The following DCBLD2 variants were observed in gnomAD, a reference collection of about 807,000 sequenced individuals.
DCBLD2 encodes discoidin, CUB and LCCL domain containing 2.
Under a neutral mutation model 86.8 loss-of-function variants are expected in DCBLD2, and 54 were observed. The observed-to-expected ratio is 0.62, with a 90% CI of 0.50 to 0.78. The LOEUF (loss-of-function observed/expected upper bound fraction) is 0.78, where lower values mean the gene tolerates loss of function less well. DCBLD2 is among the 30% of genes least tolerant of loss of function. DCBLD2 has a pLI of 0.00. For synonymous variants in DCBLD2, 354 were observed against 341.3 expected (o/e 1.04, Z -0.41); for missense variants, 908 against 954.2 (o/e 0.95, Z 0.64).
chr3:98,887,701 CATA>C (rs768177674), intron 1 of DCBLD2, among the ~76,000 whole-genome samples: 1 of 151,896 alleles, frequency 6.6e-6, no homozygotes, highest in Non-Finnish European at 1.5e-5. Flanking sequence ...GTTTTAGGTT[CATA>C]ATAAAACTGA....
chr3:98,891,586 C>T (rs1434161341), intron 1 of DCBLD2, among the ~76,000 whole-genome samples: 1 of 152,000 alleles, frequency 6.6e-6, no homozygotes, highest in Non-Finnish European at 1.5e-5. Flanking sequence ...AACTGTTTTC[C>T]ACTGATGATA....
chr3:98,801,458 G>A, intron 14 of DCBLD2, 142 bp downstream of exon 14: 1 of 523,174 alleles, frequency 1.9e-6, no homozygotes, highest in African/African-American at 1.9e-5. Context: ...TAAAAATGGT[G>A]AGAACTGAAG....
intron 3 of DCBLD2, among the ~76,000 whole-genome samples, chr3:98,825,643 T>TTATATATA (rs56736194): frequency 0.026 from 2,935 of 114,600 alleles, 92 homozygotes; most frequent in East Asian, 0.11. Flanking sequence ...ATATGTGTAT[T>TTATATATA]TATATATATA....
chr3:98,853,919 A>C (rs1942885066), intron 2 of DCBLD2, among the ~76,000 whole-genome samples: 1 of 152,232 alleles, frequency 6.6e-6, no homozygotes, highest in Non-Finnish European at 1.5e-5. Context: ...GCCCACTTTC[A>C]GTGGAGGGAA....
At chr3:98,846,701 A>G (rs1211951910) in intron 3 of DCBLD2, among the ~76,000 whole-genome samples, 1 of 152,218 alleles carries the variant, frequency 6.6e-6, no homozygotes, top group Admixed American at 6.5e-5. Context: ...TTGGAAGCTA[A>G]GATTCATCTA....
intron 3 of DCBLD2, among the ~76,000 whole-genome samples, chr3:98,836,452 T>C (rs1446983812): frequency 2.0e-5 from 3 of 151,924 alleles, no homozygotes; most frequent in Admixed American, 2.0e-4. Context: ...GTTATGAAAT[T>C]TGAGATCCAG....
chr3:98,876,428 A>G (rs1943372834), intron 2 of DCBLD2, among the ~76,000 whole-genome samples: 1 of 148,548 alleles, frequency 6.7e-6, no homozygotes, highest in Admixed American at 6.7e-5. Flanking sequence ...AAAAAAAAAA[A>G]AAAAAAAAAA....
rs369032659 is a variant in DCBLD2 at position 98,901,256 on chromosome 3, G to T, written c.71C>A (p.Ala24Asp). The part of the protein sequence containing the change: ...QCPQVRAAAA[A>D]PAWAALPLSR... ...GAGGGGGAGCGCGGCCCAGGCGGGG[G>T]CGGCGGCCGCGGCCCGGACTTGGGG... Residue 24 changes from alanine to aspartate, a missense_variant, in exon 1 of 16, where the codon GCC becomes GAC. By Grantham distance (126) the Ala-to-Asp change is moderately radical. Transcript: ENST00000326840. 4 of 1,531,320 alleles carry T rather than the reference G, an allele frequency of 2.6e-6. No individual in the cohort carries two copies. In the East Asian group the frequency reaches 7.3e-5, roughly 28 times the overall value. The allele number at this position is 1,531,320 out of a possible 1,614,324, so 94.9% of individuals were successfully genotyped here. A position where few individuals can be genotyped will look rare whatever the true frequency, so the allele number is the denominator to read the frequency against.
intron 3 of DCBLD2, among the ~76,000 whole-genome samples, chr3:98,845,648 TCTTC>T (rs900435304): frequency 6.6e-6 from 1 of 152,214 alleles, no homozygotes; most frequent in African/African-American, 2.4e-5. Context: ...GTTCTTAACA[TCTTC>T]CTTAACAGCT....
intron 3 of DCBLD2, among the ~76,000 whole-genome samples, chr3:98,839,395 C>T (rs796438390): frequency 3.3e-5 from 5 of 152,024 alleles, no homozygotes; most frequent in Non-Finnish European, 5.9e-5. Flanking sequence ...TCCATGAAGG[C>T]GGCACACACT....
rs752437765 is a variant in DCBLD2, at chr3:98,800,698, T to A, written c.1739A>T (p.Lys580Met). ...CACTGCTTTTGCAGGAAGAAACTGC[T>A]TCATTCCTTTCCACCAACCTTCATT... ...WDRAGWWKGM[K>M]QFLPAKAVDH... Residue 580 changes from lysine to methionine, a missense_variant, in exon 15 of 16, where the codon AAG becomes ATG. Lys to Met is a moderately conservative substitution (Grantham distance 95). Coordinates refer to ENST00000326840, the MANE Select transcript of DCBLD2 (RefSeq NM_080927.4). The A allele has an allele frequency of 1.2e-6, 2 of 1,613,828 alleles. No homozygotes were observed. Among genetic ancestry groups the A allele is most frequent in the African/African-American group, 2.7e-5 (2 of 74,920 alleles).
rs781037550 is a variant in DCBLD2, at chr3:98,851,628, C to T, written c.434-2030G>A. Among the ~76,000 whole-genome samples the T allele has an allele frequency of 3.9e-5, 6 of 152,330 alleles. No homozygotes were observed. In the East Asian group the frequency reaches 1.2e-3, roughly 29 times the overall value. Reference sequence around the variant, plus strand: ...CAAAAAAGAATCCATGTAGCCAAGACATTCCTAAGCAAAAAGAACAAAGCT... The same window carrying T: ...CAAAAAAGAATCCATGTAGCCAAGATATTCCTAAGCAAAAAGAACAAAGCT... On this transcript the variant is annotated intron_variant, in intron 2 of 15. Coordinates refer to ENST00000326840, the MANE Select transcript of DCBLD2 (RefSeq NM_080927.4).
intron 2 of DCBLD2, among the ~76,000 whole-genome samples, chr3:98,851,782 C>G (rs1576181684): frequency 6.6e-6 from 1 of 152,206 alleles, no homozygotes; most frequent in South Asian, 2.1e-4. Context: ...CACTACACAA[C>G]TACAACCATT....
intron 2 of DCBLD2, among the ~76,000 whole-genome samples, chr3:98,872,111 C>T (rs551892784): frequency 1.3e-5 from 2 of 152,100 alleles, no homozygotes; most frequent in South Asian, 4.2e-4. Context: ...TCATTTTTTC[C>T]AGTGTTCTAC....
intron 1 of DCBLD2, among the ~76,000 whole-genome samples, chr3:98,890,101 T>C (rs147081259): frequency 1.7e-3 from 252 of 152,172 alleles, no homozygotes; most frequent in Admixed American, 6.5e-3. Flanking sequence ...GCGGGTTGAA[T>C]TGTGTCCCTC....
chr3:98,807,791 T>C (rs1435764948), intron 13 of DCBLD2: 2 of 185,534 alleles, frequency 1.1e-5, no homozygotes, highest in Non-Finnish European at 2.2e-5. Flanking sequence ...GAGAAAGGAA[T>C]TGTGTCTCAT....
intron 3 of DCBLD2, among the ~76,000 whole-genome samples, chr3:98,842,494 A>C (rs920036712): frequency 2.0e-5 from 3 of 152,216 alleles, no homozygotes; most frequent in South Asian, 2.1e-4. Flanking sequence ...GCCAATTAAC[A>C]TTTACTAAGT....
chr3:98,844,484 C>T (rs1942683732), intron 3 of DCBLD2, among the ~76,000 whole-genome samples: 1 of 151,910 alleles, frequency 6.6e-6, no homozygotes, highest in Admixed American at 6.6e-5. Context: ...GCCTCAGCCC[C>T]CTGAGTAGCT....
At chr3:98,876,242 G>C (rs1008268910) in intron 2 of DCBLD2, among the ~76,000 whole-genome samples, 14 of 151,622 alleles carry the variant, frequency 9.2e-5, no homozygotes, top group Admixed American at 7.9e-4. Context: ...AAACTTGACA[G>C]ATGGGCAAAT....
Sources: allele counts gnomAD v4.1 joint callset (sites outside exome capture counted in the v4.1 genomes callset), GRCh38; gene constraint gnomAD v4.1.1; transcripts MANE v1.5; gene names NCBI Gene and HGNC (gene_info 2026-07-23, HGNC 2026-07-21).